The following ZFPM2 variants were observed in gnomAD, a reference collection of about 807,000 sequenced individuals.
The protein encoded by ZFPM2 is zinc finger protein, FOG family member 2.
In ZFPM2, 20 loss-of-function variants were observed where a neutral mutation model predicts 98.6. The ratio of observed to expected loss-of-function variants is 0.20; its 90% CI spans 0.14 to 0.29. The LOEUF is 0.29. Ranked by LOEUF, ZFPM2 falls within the 10% of genes least tolerant of loss-of-function variation. The pLI, the probability that ZFPM2 is intolerant of heterozygous loss-of-function variation, is 1.00. For synonymous variants in ZFPM2, 518 were observed against 502.7 expected (o/e 1.03, Z -0.41); for missense variants, 1,310 against 1,388.6 (o/e 0.94, Z 0.90).
At chr8:105,752,230 T>C (rs1190342642) in intron 5 of ZFPM2, among the ~76,000 whole-genome samples, 2 of 152,178 alleles carry the variant, frequency 1.3e-5, no homozygotes, top group African/African-American at 2.4e-5. Flanking sequence ...AAAAGAGACA[T>C]ATTGTTTGTA....
intron 3 of ZFPM2, among the ~76,000 whole-genome samples, chr8:105,447,795 A>G (rs1045947142): frequency 3.9e-5 from 6 of 152,006 alleles, no homozygotes; most frequent in Admixed American, 1.3e-4. Context: ...CGACTCCACA[A>G]CCTTTCTTGA....
At chr8:105,455,453 A>G (rs77207532) in intron 3 of ZFPM2, among the ~76,000 whole-genome samples, 143 of 152,264 alleles carry the variant, frequency 9.4e-4, no homozygotes, top group African/African-American at 3.2e-3. Context: ...AAGAAAACCA[A>G]CCAAGAGAGT....
chr8:105,711,055 G>A (rs1266733274), intron 5 of ZFPM2, among the ~76,000 whole-genome samples: 1 of 151,622 alleles, frequency 6.6e-6, no homozygotes, highest in Non-Finnish European at 1.5e-5. Flanking sequence ...GGTCATTAAG[G>A]TTTTTTAAAA....
At chr8:105,628,689 T>C (rs1210351191) in intron 4 of ZFPM2, among the ~76,000 whole-genome samples, 1 of 152,148 alleles carries the variant, frequency 6.6e-6, no homozygotes, top group Non-Finnish European at 1.5e-5. Context: ...ACGGTCGGAC[T>C]TCAGGGGAAG....
intron 3 of ZFPM2, among the ~76,000 whole-genome samples, chr8:105,486,188 G>T (rs1563680677): frequency 6.6e-6 from 1 of 152,006 alleles, no homozygotes; most frequent in Non-Finnish European, 1.5e-5. Flanking sequence ...TTATGGAATG[G>T]GGTCTGTTAC....
At chr8:105,337,585 T>C (rs886385000) in intron 1 of ZFPM2, among the ~76,000 whole-genome samples, 1 of 151,820 alleles carries the variant, frequency 6.6e-6, no homozygotes, top group Non-Finnish European at 1.5e-5. Flanking sequence ...ATAGTTTACA[T>C]TATGAATAAT....
At chr8:105,368,400 G>A (rs1356399577) in intron 1 of ZFPM2, among the ~76,000 whole-genome samples, 1 of 152,116 alleles carries the variant, frequency 6.6e-6, no homozygotes, top group African/African-American at 2.4e-5. Flanking sequence ...GGCCCAGTGT[G>A]TCTTCCTTGC....
chr8:105,692,455 A>G (rs1389108608), intron 5 of ZFPM2, among the ~76,000 whole-genome samples: 2 of 152,358 alleles, frequency 1.3e-5, no homozygotes, highest in African/African-American at 4.8e-5. Flanking sequence ...GGCATGGAAG[A>G]TTCAGTTGCA....
chr8:105,710,286 T>A (rs1225376095), intron 5 of ZFPM2, among the ~76,000 whole-genome samples: 1 of 152,132 alleles, frequency 6.6e-6, no homozygotes, highest in African/African-American at 2.4e-5. Context: ...GTTCTGTCGT[T>A]TGTATTCACT....
chr8:105,541,684 A>G (rs192650182), intron 3 of ZFPM2, among the ~76,000 whole-genome samples: 1 of 152,228 alleles, frequency 6.6e-6, no homozygotes, highest in Non-Finnish European at 1.5e-5. Context: ...GAGCAGTAAT[A>G]TCTGTGTTGC....
chr8:105,720,261 C>T (rs1299643357), intron 5 of ZFPM2, among the ~76,000 whole-genome samples: 1 of 151,844 alleles, frequency 6.6e-6, no homozygotes, highest in Non-Finnish European at 1.5e-5. Flanking sequence ...CTCCTCCCAC[C>T]CACCTGATCC....
intron 5 of ZFPM2, among the ~76,000 whole-genome samples, chr8:105,723,212 A>G (rs537929314): frequency 6.6e-6 from 1 of 151,896 alleles, no homozygotes; most frequent in South Asian, 2.1e-4. Context: ...GGCTCTGTTG[A>G]AAATCCTGTG....
At chr8:105,350,832 A>T (rs902601971) in intron 1 of ZFPM2, among the ~76,000 whole-genome samples, 1 of 152,104 alleles carries the variant, frequency 6.6e-6, no homozygotes, top group Non-Finnish European at 1.5e-5. Flanking sequence ...CTCCTTCAGT[A>T]TCTGTGGAGA....
intron 1 of ZFPM2, among the ~76,000 whole-genome samples, chr8:105,373,455 A>G (rs1303378839): frequency 6.6e-6 from 1 of 152,118 alleles, no homozygotes; most frequent in Non-Finnish European, 1.5e-5. Context: ...ATCTCACGCC[A>G]TTTCTTAAAG....
chr8:105,666,423 C>T (rs1475985012), intron 5 of ZFPM2, among the ~76,000 whole-genome samples: 2 of 152,124 alleles, frequency 1.3e-5, no homozygotes, highest in Non-Finnish European at 2.9e-5. Context: ...CCAAAAGCAC[C>T]ACCTGCAAGA....
rs149398176 is a variant in ZFPM2 at position 105,617,721 on chromosome 8, A to G, written c.421-16525A>G. Among the ~76,000 whole-genome samples, 499 of 152,300 alleles carry G rather than the reference A, an allele frequency of 3.3e-3. 2 individuals carry two copies. The highest frequency in any genetic ancestry group is 0.011 in the African/African-American group (469 of 41,562). Reference sequence around the variant, plus strand: ...ACCATTCTTCATTTGTTCTTGTGCAATCAGTGCTGAATTGAGTGAATTTTA... The same window carrying G: ...ACCATTCTTCATTTGTTCTTGTGCAGTCAGTGCTGAATTGAGTGAATTTTA... On this transcript the variant is annotated intron_variant, in intron 4 of 7. Transcript: ENST00000407775.
intron 4 of ZFPM2, among the ~76,000 whole-genome samples, chr8:105,630,855 G>T (rs575519248): frequency 2.0e-5 from 3 of 152,244 alleles, no homozygotes; most frequent in Admixed American, 2.0e-4. Flanking sequence ...AGTAGTGGTG[G>T]TTGGAGGGAG....
intron 4 of ZFPM2, among the ~76,000 whole-genome samples, chr8:105,568,897 A>C (rs1815297330): frequency 6.6e-6 from 1 of 152,038 alleles, no homozygotes; most frequent in Non-Finnish European, 1.5e-5. Flanking sequence ...ATTCTGAACT[A>C]CATGCAGTGC....
chr8:105,755,344 G>T (rs968529857), intron 5 of ZFPM2, among the ~76,000 whole-genome samples: 7 of 151,990 alleles, frequency 4.6e-5, no homozygotes, highest in Non-Finnish European at 7.4e-5. Flanking sequence ...ATGATTATTG[G>T]TCTCTTTTTT....
Sources: allele counts gnomAD v4.1 joint callset (sites outside exome capture counted in the v4.1 genomes callset), GRCh38; gene constraint gnomAD v4.1.1; transcripts MANE v1.5; gene names NCBI Gene and HGNC (gene_info 2026-07-23, HGNC 2026-07-21).